The following AKAP13 variants were observed in gnomAD, a reference collection of about 807,000 sequenced individuals.
The protein encoded by AKAP13 is A-kinase anchoring protein 13.
A neutral mutation model predicts 264.5 loss-of-function variants in AKAP13; 80 were observed. The observed-to-expected ratio is 0.30, with a 90% CI of 0.25 to 0.36. The LOEUF is 0.36. Among genes scored for constraint, AKAP13 ranks in the 10% least tolerant of loss-of-function variants. The probability of loss-of-function intolerance (pLI) is 1.00; values close to 1 mark genes in which losing one functional copy is unlikely to be tolerated. For missense variants in AKAP13, 3,712 were observed against 3,435.2 expected, an observed-to-expected ratio of 1.08 and a Z score of -2.01; for synonymous variants, 1,380 against 1,250.2, an observed-to-expected ratio of 1.10 and a Z score of -2.19.
In AKAP13 at chr15:85,380,724, C is replaced by G. The variant is rs973771301; in HGVS notation, c.-86C>G. Reference sequence around the variant, plus strand: ...TTAGCCGCCTCCGGGGGAGCGGCCGCCTATTGTCTTTCTCCGCGGCGAAGG... The same window carrying G: ...TTAGCCGCCTCCGGGGGAGCGGCCGGCTATTGTCTTTCTCCGCGGCGAAGG... On this transcript the variant is annotated 5_prime_UTR_variant, in exon 1 of 37. Transcript: ENST00000394518. 6.6e-6 allele frequency: 1 copy of G among 152,638 alleles called. No homozygotes were observed. The highest frequency in any genetic ancestry group is 1.5e-5 in the Non-Finnish European group (1 of 68,092). 9.5% of individuals were successfully genotyped at this position (152,638 alleles called of 1,614,324 possible).
Position 85,744,633 on chromosome 15 carries a change from C to T in AKAP13, c.8398C>T (p.Pro2800Ser), listed in dbSNP as rs2089315397. 6.2e-7 allele frequency: 1 copy of T among 1,613,740 alleles called. No homozygotes were observed. Among genetic ancestry groups the T allele is most frequent in the Admixed American group, 1.7e-5 (1 of 59,972 alleles). ...KTSRSQPGDGPASEVSAEGEE... is the reference protein window; with the variant it reads ...KTSRSQPGDGSASEVSAEGEE... ...CTTGGTTTTCACATTTCCAGATGGT[C>T]CCGCGTCAGAAGTATCAGCAGAGGG... Residue 2800 changes from proline (P) to serine (S), a missense_variant, in exon 37 of 37, where the codon CCC (proline) becomes TCC (serine). Physicochemically the swap from Pro to Ser is moderately conservative, Grantham distance 74. Around this residue, in one of 3 missense-constraint regions of AKAP13, gnomAD observed 611 missense variants for 539.3 expected, o/e 1.13. Transcript: ENST00000394518.
intron 1 of AKAP13, among the ~76,000 whole-genome samples, chr15:85,459,235 G>A: frequency 6.6e-6 from 1 of 152,132 alleles, no homozygotes; most frequent in East Asian, 1.9e-4. Context: ...ACCCAGGCTG[G>A]AGTGCAGTGG....
At chr15:85,563,671 G>T (rs1488503251) in intron 5 of AKAP13, among the ~76,000 whole-genome samples, 3 of 152,172 alleles carry the variant, frequency 2.0e-5, no homozygotes, top group African/African-American at 7.2e-5. Context: ...AAGGGGGAGA[G>T]CACAGGCTTT....
intron 1 of AKAP13, among the ~76,000 whole-genome samples, chr15:85,424,402 T>C (rs2072669683): frequency 6.6e-6 from 1 of 152,230 alleles, no homozygotes; most frequent in Non-Finnish European, 1.5e-5. Context: ...TTAAACCTCA[T>C]GAACCAATGC....
At chr15:85,656,410 A>G (rs1229673318) in intron 11 of AKAP13, among the ~76,000 whole-genome samples, 5 of 152,068 alleles carry the variant, frequency 3.3e-5, no homozygotes, top group Admixed American at 6.6e-5. Flanking sequence ...CAGTCCTTCA[A>G]TTTGGAAGCA....
chr15:85,422,464 T>G (rs764857261), intron 1 of AKAP13, among the ~76,000 whole-genome samples: 3 of 152,224 alleles, frequency 2.0e-5, no homozygotes, highest in Non-Finnish European at 4.4e-5. Flanking sequence ...TTTCAAGTTA[T>G]GCACCATTTT....
chr15:85,739,294 T>C (rs901379281), intron 33 of AKAP13, among the ~76,000 whole-genome samples: 3 of 152,224 alleles, frequency 2.0e-5, no homozygotes, highest in African/African-American at 7.2e-5. Context: ...TTGAGTATTA[T>C]CATTCTTATT....
At chr15:85,522,042 A>G (rs1027975189) in intron 3 of AKAP13, among the ~76,000 whole-genome samples, 7 of 152,298 alleles carry the variant, frequency 4.6e-5, no homozygotes, top group South Asian at 2.1e-4. Context: ...AGCTCCAGTC[A>G]TCTTGTTTCC....
intron 1 of AKAP13, among the ~76,000 whole-genome samples, chr15:85,419,447 TTCTG>T (rs2072408564): frequency 6.6e-6 from 1 of 152,242 alleles, no homozygotes; most frequent in South Asian, 2.1e-4. Flanking sequence ...TTGTGTATCA[TTCTG>T]GAAAACAATT....
chr15:85,605,300 C>T (rs11635190), intron 8 of AKAP13, among the ~76,000 whole-genome samples: 30,867 of 152,078 alleles, frequency 0.2, 4,155 homozygotes, highest in Middle Eastern at 0.41. Flanking sequence ...GATATTTGCA[C>T]ACTTAGAAAG....
intron 1 of AKAP13, among the ~76,000 whole-genome samples, chr15:85,430,852 G>T (rs1319547201): frequency 6.6e-6 from 1 of 152,172 alleles, no homozygotes; most frequent in Non-Finnish European, 1.5e-5. Context: ...GGCTTTGAGG[G>T]TTTAAATACT....
intron 2 of AKAP13, among the ~76,000 whole-genome samples, chr15:85,486,870 C>G (rs1419407182): frequency 6.6e-6 from 1 of 151,258 alleles, no homozygotes; most frequent in Non-Finnish European, 1.5e-5. Context: ...TCCCAAGTAG[C>G]TGGGACTATA....
At chr15:85,642,313 T>A (rs986250229) in intron 9 of AKAP13, among the ~76,000 whole-genome samples, 1 of 152,230 alleles carries the variant, frequency 6.6e-6, no homozygotes, top group African/African-American at 2.4e-5. Context: ...AATTACTTCT[T>A]GCCTGGAATT....
intron 1 of AKAP13, among the ~76,000 whole-genome samples, chr15:85,421,188 T>C (rs1266024213): frequency 6.6e-6 from 1 of 152,210 alleles, no homozygotes; most frequent in Non-Finnish European, 1.5e-5. Context: ...CCAAGGCACA[T>C]ATAATTAGAA....
At chr15:85,555,416 T>A in intron 5 of AKAP13, 1 of 1,288,364 alleles carries the variant, frequency 7.8e-7, no homozygotes, top group Non-Finnish European at 1.0e-6. Flanking sequence ...CTTTCCTCTA[T>A]TTTTAAAGCT....
intron 17 of AKAP13, among the ~76,000 whole-genome samples, chr15:85,701,627 A>G (rs577132214): frequency 1.4e-5 from 2 of 147,862 alleles, no homozygotes. Context: ...TATTTTTATT[A>G]GAGTTGGGGT....
At chr15:85,465,101 T>C (rs1320648613) in intron 1 of AKAP13, among the ~76,000 whole-genome samples, 12 of 140,030 alleles carry the variant, frequency 8.6e-5, no homozygotes, top group African/African-American at 3.1e-4. Context: ...CCACCACGCC[T>C]GGCTAATTTT....
chr15:85,651,816 C>T (rs557435182), intron 10 of AKAP13, among the ~76,000 whole-genome samples: 34 of 152,192 alleles, frequency 2.2e-4, no homozygotes, highest in South Asian at 6.2e-4. Flanking sequence ...TTCAGAACTT[C>T]GTATAAATGG....
chr15:85,453,042 C>G (rs1455274943), intron 1 of AKAP13, among the ~76,000 whole-genome samples: 1 of 152,120 alleles, frequency 6.6e-6, no homozygotes, highest in Non-Finnish European at 1.5e-5. Context: ...GGGGTTGGTT[C>G]CCTGTCTGGT....
Sources: allele counts gnomAD v4.1 joint callset (sites outside exome capture counted in the v4.1 genomes callset), GRCh38; gene constraint gnomAD v4.1.1; regional missense constraint gnomAD v4.1.1; transcripts MANE v1.5; gene names NCBI Gene and HGNC (gene_info 2026-07-23, HGNC 2026-07-21).